ARHGAP39: variants seen among roughly 807,000 people sequenced by gnomAD.
ARHGAP39 encodes Rho GTPase activating protein 39, also known as rho GTPase-activating protein 39.
A neutral mutation model predicts 106.9 loss-of-function variants in ARHGAP39; 44 were observed. The observed-to-expected ratio is 0.41, with a 90% CI of 0.32 to 0.53. The LOEUF is 0.53. ARHGAP39 is among the 20% of genes least tolerant of loss of function. The probability of loss-of-function intolerance (pLI) is 0.21; values close to 1 mark genes in which losing one functional copy is unlikely to be tolerated. For missense variants in ARHGAP39, 1,496 were observed against 1,577.3 expected, an observed-to-expected ratio of 0.95 and a Z score of 0.87; for synonymous variants, 768 against 693.2, an observed-to-expected ratio of 1.11 and a Z score of -1.69.
chr8:144,678,007 C>G (rs988746182), intron 1 of ARHGAP39, among the ~76,000 whole-genome samples: 4 of 152,220 alleles, frequency 2.6e-5, no homozygotes, highest in African/African-American at 9.6e-5. Flanking sequence ...GTCCCTCCCC[C>G]TGCTGCGCCA....
chr8:144,618,871 G>A (rs1406115793), intron 1 of ARHGAP39, among the ~76,000 whole-genome samples: 3 of 152,264 alleles, frequency 2.0e-5, no homozygotes, highest in African/African-American at 4.8e-5. Flanking sequence ...CACAGCCACC[G>A]TGGCGGGCAC....
chr8:144,602,581 CAT>C (rs1392662549), intron 2 of ARHGAP39, among the ~76,000 whole-genome samples: 1 of 114,986 alleles, frequency 8.7e-6, no homozygotes, highest in Non-Finnish European at 1.7e-5. Context: ...TACCTGTGTG[CAT>C]GTGTGTGGAG....
rs539110756 is a variant in ARHGAP39 at position 144,587,710 on chromosome 8, G to A, written c.81-6433C>T. On this transcript the variant is annotated intron_variant, in intron 2 of 11. Transcript: ENST00000377307. ...CGCTCCGTCATCCAGGCTGGAGTGCGGTGGCGCGATCTCGGCTCGCTGCGA... is the reference window on the plus strand; with the variant it reads ...CGCTCCGTCATCCAGGCTGGAGTGCAGTGGCGCGATCTCGGCTCGCTGCGA... 7.3e-5 allele frequency among the ~76,000 whole-genome samples: 11 copies of A among 151,152 alleles called. No individual in the cohort carries two copies. In the East Asian group the frequency reaches 1.2e-3, roughly 16 times the overall value.
chr8:144,641,168 C>T lies in ARHGAP39; in HGVS notation c.-81-35473G>A, dbSNP rs1821304923. On this transcript the variant is annotated intron_variant, in intron 1 of 11. Coordinates refer to ENST00000377307, the MANE Select transcript of ARHGAP39 (RefSeq NM_025251.3). This position sits in a 1 kb window ranked among gnomAD's most constrained non-coding sequence, Gnocchi z 5.2. ...CCATCCACCTGTTCTGCCACAGGAT[C>T]ACGGGGGGAAAGACCACACCGGCTT... 6.6e-6 allele frequency among the ~76,000 whole-genome samples: 1 copy of T among 152,092 alleles called. No individual in the cohort carries two copies. The highest frequency in any genetic ancestry group is 2.4e-5 in the African/African-American group (1 of 41,410).
At chr8:144,582,101 T>TGCGACAGGCCTGGTCCTCGCCATCA (rs1225150189) in intron 2 of ARHGAP39, among the ~76,000 whole-genome samples, 2 of 151,480 alleles carry the variant, frequency 1.3e-5, no homozygotes, top group African/African-American at 4.9e-5. Context: ...GGGTCTCGTT[T>TGCGACAGGCCTGGTCCTCGCCATCA]CCAGGGAAAA....
chr8:144,587,802 G>C (rs111543315), intron 2 of ARHGAP39, among the ~76,000 whole-genome samples: 9,278 of 152,176 alleles, frequency 0.061, 957 homozygotes, highest in African/African-American at 0.21. Flanking sequence ...TTACAGGCAC[G>C]TGCCACCACG....
chr8:144,546,654 G>A (rs1422111680), intron 5 of ARHGAP39, among the ~76,000 whole-genome samples: 1 of 152,084 alleles, frequency 6.6e-6, no homozygotes, highest in African/African-American at 2.4e-5. Context: ...CAGGCTGGGC[G>A]CAACATCCCG....
intron 1 of ARHGAP39, among the ~76,000 whole-genome samples, chr8:144,669,824 T>C (rs117699065): frequency 3.0e-4 from 45 of 152,322 alleles, no homozygotes; most frequent in Non-Finnish European, 4.6e-4. Flanking sequence ...GAGATGTCAC[T>C]TCACATCCAC....
At position 144,547,230 on chromosome 8, in the gene ARHGAP39, C is replaced by G. The variant is rs751467521; in HGVS notation, c.1856G>C (p.Arg619Thr). 2.5e-6 allele frequency: 4 copies of G among 1,612,502 alleles called. No homozygotes were observed. The African/African-American group carries it at 5.3e-5, about 22-fold the overall frequency. Residue 619 changes from arginine (R) to threonine (T), a missense_variant, in exon 5 of 12, where the codon AGG (arginine) becomes ACG (threonine). By Grantham distance (71) the Arg-to-Thr change is moderately conservative. Around this residue, in one of 4 missense-constraint regions of ARHGAP39, gnomAD observed 905 missense variants for 816.4 expected, o/e 1.11. Coordinates refer to ENST00000377307, the MANE Select transcript of ARHGAP39 (RefSeq NM_025251.3). The surrounding 1 kb of genome is among the most constrained non-coding windows in gnomAD (Gnocchi z 5.2). ...GAAGCCTAGCTTCTCGAAGGTGCCCCTCCTCCAGTGCCTGTTCTCCTGCTG... is the reference window on the plus strand; with the variant it reads ...GAAGCCTAGCTTCTCGAAGGTGCCCGTCCTCCAGTGCCTGTTCTCCTGCTG... ...LAQQENRHWRRGTFEKLGFPQ... is the reference protein window; with the variant it reads ...LAQQENRHWRTGTFEKLGFPQ...
At chr8:144,550,677 G>A (rs927632953) in intron 4 of ARHGAP39, among the ~76,000 whole-genome samples, 1 of 152,264 alleles carries the variant, frequency 6.6e-6, no homozygotes, top group African/African-American at 2.4e-5. Flanking sequence ...GCAGCCAGGG[G>A]CAGAGTGCAG....
At chr8:144,621,717 C>T (rs1820811922) in intron 1 of ARHGAP39, among the ~76,000 whole-genome samples, 1 of 152,188 alleles carries the variant, frequency 6.6e-6, no homozygotes. Context: ...ACTCAGGAGG[C>T]TGAGGTGGGA....
intron 3 of ARHGAP39, 73 bp downstream of exon 3, chr8:144,580,773 C>T: frequency 1.7e-6 from 1 of 597,018 alleles, no homozygotes; most frequent in Non-Finnish European, 2.5e-6. Flanking sequence ...GCCCACCACC[C>T]CCTACCTGCC....
rs1822084789 is a variant in ARHGAP39 at position 144,670,874 on chromosome 8, C to T, written c.-82+14812G>A. On this transcript the variant is annotated intron_variant, in intron 1 of 11. Transcript: ENST00000377307. The surrounding 1 kb of genome is among the most constrained non-coding windows in gnomAD (Gnocchi z 4.4). ...CGCTTTACCCCTGCACTGCCAGCCC[C>T]GAGCACCACTGACCGGCACTCAGTT... is the stretch of plus-strand genomic sequence containing the variant. Among the ~76,000 whole-genome samples the T allele has an allele frequency of 2.6e-5, 4 of 152,194 alleles. No homozygotes were observed. The South Asian group carries it at 8.3e-4, about 32-fold the overall frequency.
At chr8:144,602,298 T>C (rs1454371196) in intron 2 of ARHGAP39, among the ~76,000 whole-genome samples, 1 of 130,412 alleles carries the variant, frequency 7.7e-6, no homozygotes, top group Non-Finnish European at 1.6e-5. Flanking sequence ...TGTGTGCTCG[T>C]GTACCTGTGT....
chr8:144,648,306 T>C (rs1462046738), intron 1 of ARHGAP39, among the ~76,000 whole-genome samples: 2 of 152,208 alleles, frequency 1.3e-5, no homozygotes, highest in African/African-American at 2.4e-5. Flanking sequence ...TGAATTTCTG[T>C]TCCACAGAAA....
intron 3 of ARHGAP39, among the ~76,000 whole-genome samples, chr8:144,579,020 G>C (rs1818867930): frequency 6.6e-6 from 1 of 151,712 alleles, no homozygotes; most frequent in African/African-American, 2.4e-5. Flanking sequence ...GGCTAACATG[G>C]TGAAACCCTG....
At chr8:144,542,636 C>A (rs1479275543) in intron 6 of ARHGAP39, among the ~76,000 whole-genome samples, 1 of 149,888 alleles carries the variant, frequency 6.7e-6, no homozygotes, top group African/African-American at 2.5e-5. Flanking sequence ...CGCCCCCCCA[C>A]CCCCACTTCG....
intron 3 of ARHGAP39, among the ~76,000 whole-genome samples, chr8:144,561,916 C>T (rs950213572): frequency 6.8e-6 from 1 of 147,698 alleles, no homozygotes; most frequent in African/African-American, 2.5e-5. Flanking sequence ...CAGTGGTTTC[C>T]ATCACACTCC....
intron 2 of ARHGAP39, among the ~76,000 whole-genome samples, chr8:144,601,153 CCT>C (rs1819903502): frequency 1.6e-5 from 2 of 122,566 alleles, no homozygotes; most frequent in Admixed American, 1.8e-4. Context: ...TGCTCGTGTA[CCT>C]GTGTGTGTGC....
Sources: allele counts gnomAD v4.1 joint callset (sites outside exome capture counted in the v4.1 genomes callset), GRCh38; gene constraint gnomAD v4.1.1; regional missense constraint gnomAD v4.1.1; non-coding constraint Gnocchi (gnomAD v3.1); transcripts MANE v1.5; gene names NCBI Gene and HGNC (gene_info 2026-07-23, HGNC 2026-07-21).